ANO3: variants seen among roughly 807,000 people sequenced by gnomAD.
The protein encoded by ANO3 is anoctamin-3.
A neutral mutation model predicts 144.8 loss-of-function variants in ANO3; 99 were observed. The ratio of observed to expected loss-of-function variants is 0.68; its 90% CI spans 0.58 to 0.81. ANO3 has a LOEUF of 0.81. Among genes scored for constraint, ANO3 ranks in the 30% least tolerant of loss-of-function variants. The pLI is 0.00. For missense variants in ANO3, 905 were observed against 1,202.2 expected (o/e 0.75, Z 3.66); for synonymous variants, 414 against 392.6 (o/e 1.05, Z -0.64).
chr11:26,205,130 G>C (rs548175727), intron 1 of ANO3, among the ~76,000 whole-genome samples: 8 of 152,176 alleles, frequency 5.3e-5, no homozygotes, highest in African/African-American at 1.7e-4. Context: ...AACAGCATGG[G>C]AAAAACCACC....
At chr11:26,203,485 C>T (rs1166305659) in intron 1 of ANO3, among the ~76,000 whole-genome samples, 4 of 151,908 alleles carry the variant, frequency 2.6e-5, no homozygotes, top group Non-Finnish European at 5.9e-5. Flanking sequence ...AGTTGAAAAC[C>T]GATATACTGA....
intron 1 of ANO3, among the ~76,000 whole-genome samples, chr11:26,203,339 C>T (rs12802779): frequency 0.23 from 34,831 of 151,994 alleles, 4,802 homozygotes; most frequent in Non-Finnish European, 0.29. Flanking sequence ...CTTTTTAGTG[C>T]TTTTTCCAAA....
chr11:26,571,221 T>G (rs1850812355), intron 14 of ANO3, among the ~76,000 whole-genome samples: 1 of 152,034 alleles, frequency 6.6e-6, no homozygotes, highest in Non-Finnish European at 1.5e-5. Context: ...AGATCAAAAT[T>G]TTCAAGCATA....
rs145159632 is a variant in ANO3 at position 26,443,218 on chromosome 11, C to T, written c.242-547C>T. 9.2e-5 allele frequency among the ~76,000 whole-genome samples: 14 copies of T among 152,146 alleles called. No homozygotes were observed. In the East Asian group the frequency reaches 2.7e-3, roughly 29 times the overall value. On this transcript the variant is annotated intron_variant, in intron 2 of 26. Transcript: ENST00000256737. ...ATCACTACATATTGTAGTTAGCTTA[C>T]AAATATGTCTACTATGTAAAGTGGC...
intron 1 of ANO3, among the ~76,000 whole-genome samples, chr11:26,224,800 C>T (rs1373977815): frequency 6.6e-6 from 1 of 152,158 alleles, no homozygotes; most frequent in Non-Finnish European, 1.5e-5. Flanking sequence ...GCTTGGGCTT[C>T]AGCAATGTAT....
chr11:26,562,770 G>T (rs2134254134), intron 14 of ANO3, among the ~76,000 whole-genome samples: 1 of 151,960 alleles, frequency 6.6e-6, no homozygotes, highest in South Asian at 2.1e-4. Context: ...ACAATGGCAA[G>T]GAATAGCTTT....
At chr11:26,219,774 A>T (rs1388428767) in intron 1 of ANO3, among the ~76,000 whole-genome samples, 9 of 152,168 alleles carry the variant, frequency 5.9e-5, no homozygotes, top group Non-Finnish European at 1.0e-4. Flanking sequence ...GAGAGAAAGG[A>T]TAAACAGAAG....
chr11:26,371,246 C>A (rs1005788980), intron 1 of ANO3, among the ~76,000 whole-genome samples: 17 of 152,234 alleles, frequency 1.1e-4, no homozygotes, highest in African/African-American at 4.1e-4. Flanking sequence ...TCAGAGTGTG[C>A]AAGCCCCAAG....
At chr11:26,315,690 T>TATCC (rs1459769148) in intron 1 of ANO3, among the ~76,000 whole-genome samples, 3 of 128,106 alleles carry the variant, frequency 2.3e-5, no homozygotes, top group African/African-American at 7.9e-5. Flanking sequence ...TCTATCCATC[T>TATCC]ATCTATCTAT....
chr11:26,267,552 T>C (rs183547559), intron 1 of ANO3, among the ~76,000 whole-genome samples: 5 of 152,356 alleles, frequency 3.3e-5, no homozygotes, highest in Admixed American at 3.3e-4. Flanking sequence ...TTTGCTCTTA[T>C]TTTTATCAGT....
rs780693066 is a variant in ANO3 at position 26,289,591 on chromosome 11, G to A, written c.155-20054G>A. Among the ~76,000 whole-genome samples, 157 of 86,632 alleles carry A rather than the reference G, an allele frequency of 1.8e-3. 1 individual carries two copies. Among genetic ancestry groups the A allele is most frequent in the East Asian group, 9.8e-3 (29 of 2,946 alleles). The allele number at this position is 86,632 out of a possible 152,430, so 56.8% of individuals were successfully genotyped here. A position where few individuals can be genotyped will look rare whatever the true frequency, so the allele number is the denominator to read the frequency against. On this transcript the variant is annotated intron_variant, in intron 1 of 27. Coordinates refer to the ANO3 transcript ENST00000672621. Reference sequence around the variant, plus strand: ...ATATACACATATATCCTATATGTGTGTATATGTACATATACACACATATAT... The same window carrying A: ...ATATACACATATATCCTATATGTGTATATATGTACATATACACACATATAT...
At chr11:26,228,384 T>A (rs548338600) in intron 1 of ANO3, among the ~76,000 whole-genome samples, 25 of 152,352 alleles carry the variant, frequency 1.6e-4, no homozygotes, top group Non-Finnish European at 3.1e-4. Context: ...CCTTTTACTA[T>A]AAGAAAAAGC....
At chr11:26,635,819 G>A (rs61878642) in intron 20 of ANO3, among the ~76,000 whole-genome samples, 4,647 of 152,184 alleles carry the variant, frequency 0.031, 99 homozygotes, top group Non-Finnish European at 0.049. Flanking sequence ...TTGGAGACTG[G>A]CAGTCTATAT....
chr11:26,204,753 T>A (rs954169450), intron 1 of ANO3, among the ~76,000 whole-genome samples: 6 of 152,126 alleles, frequency 3.9e-5, no homozygotes, highest in Non-Finnish European at 8.8e-5. Context: ...TTCTTCCCTT[T>A]TATCTCCCAT....
chr11:26,441,123 T>TTTTTTG (rs1554954665), intron 1 of ANO3, among the ~76,000 whole-genome samples: 2,201 of 123,618 alleles, frequency 0.018, 93 homozygotes, highest in Non-Finnish European at 0.028. Flanking sequence ...TTTTTTTTTT[T>TTTTTTG]TTTTTTTTTT....
At chr11:26,460,339 A>T (rs1859342494) in intron 3 of ANO3, among the ~76,000 whole-genome samples, 1 of 146,574 alleles carries the variant, frequency 6.8e-6, no homozygotes, top group South Asian at 2.2e-4. Flanking sequence ...CATGTCATAG[A>T]GGTTTGGCGT....
intron 24 of ANO3, among the ~76,000 whole-genome samples, chr11:26,654,276 C>T (rs1401542679): frequency 1.3e-5 from 2 of 152,076 alleles, no homozygotes; most frequent in African/African-American, 4.8e-5. Flanking sequence ...TCGTTGAATT[C>T]TCTGAGACAT....
chr11:26,654,019 GGTCTATT>G (rs1853610823), intron 24 of ANO3, among the ~76,000 whole-genome samples: 1 of 152,000 alleles, frequency 6.6e-6, no homozygotes, highest in South Asian at 2.1e-4. Context: ...CCTCTTCATT[GGTCTATT>G]GCCTTTCCTT....
upstream of ANO3, chr11:26,331,950 C>G: frequency 2.1e-6 from 1 of 480,578 alleles, no homozygotes; most frequent in East Asian, 4.0e-5. Context: ...TTTATATCTC[C>G]TCCTCCAGTA....
Sources: gnomAD v4.1 joint callset for allele counts (sites outside exome capture counted in the v4.1 genomes callset) on GRCh38, gnomAD v4.1.1 for gene constraint, MANE v1.5 for transcripts, NCBI Gene and HGNC (gene_info 2026-07-23, HGNC 2026-07-21) for gene names.